TRPC5: variants seen among roughly 807,000 people sequenced by gnomAD.
The protein encoded by TRPC5 is transient receptor potential cation channel subfamily C member 5, also known as short transient receptor potential channel 5.
In TRPC5, 9 loss-of-function variants were observed where a neutral mutation model predicts 56.5. That is an observed-to-expected ratio of 0.16 (90% CI 0.10 to 0.28). TRPC5 has a LOEUF of 0.28. Among genes scored for constraint, TRPC5 ranks in the 10% least tolerant of loss-of-function variants. TRPC5 has a pLI of 1.00. For missense variants in TRPC5, 469 were observed against 748.9 expected (o/e 0.63, Z 4.36); for synonymous variants, 282 against 278.5 (o/e 1.01, Z -0.13).
At chrX:111,818,361 A>C (rs1387298919) in intron 7 of TRPC5, among the ~76,000 whole-genome samples, 1 of 111,216 alleles carries the variant, frequency 9.0e-6, no homozygotes, top group Non-Finnish European at 1.9e-5. Context: ...ATTGCAAATA[A>C]ATAATTATTA....
At chrX:111,936,485 C>A (rs1926581625) in intron 2 of TRPC5, among the ~76,000 whole-genome samples, 1 of 109,990 alleles carries the variant, frequency 9.1e-6, no homozygotes, top group Non-Finnish European at 1.9e-5. Flanking sequence ...CTAATGCTAT[C>A]CCTCCCCTCT....
chrX:111,806,126 G>T (rs911444771), intron 7 of TRPC5, among the ~76,000 whole-genome samples: 2 of 111,613 alleles, frequency 1.8e-5, no homozygotes, highest in African/African-American at 6.5e-5. Flanking sequence ...AATATGTTGG[G>T]TTAAACAAGG....
intron 2 of TRPC5, among the ~76,000 whole-genome samples, chrX:111,920,731 T>C (rs115253204): frequency 0.015 from 1,712 of 111,764 alleles, 25 homozygotes; most frequent in African/African-American, 0.052. Flanking sequence ...AAATGAGAAT[T>C]TCAAGGAGGA....
At chrX:111,882,382 C>G (rs1472538664) in intron 3 of TRPC5, among the ~76,000 whole-genome samples, 1 of 111,993 alleles carries the variant, frequency 8.9e-6, no homozygotes, top group Non-Finnish European at 1.9e-5. Flanking sequence ...CTTTATGACC[C>G]AGAGTACGGC....
intron 1 of TRPC5, among the ~76,000 whole-genome samples, chrX:112,002,110 T>C (rs1367543502): frequency 9.0e-6 from 1 of 111,626 alleles, no homozygotes; most frequent in Non-Finnish European, 1.9e-5. Context: ...CCACACATTT[T>C]TTTCTTCAAA....
chrX:112,078,557 G>A lies in TRPC5; in HGVS notation c.-22+3322C>T, dbSNP rs138246420. Among the ~76,000 whole-genome samples the A allele has an allele frequency of 9.8e-4, 109 of 111,403 alleles. 2 individuals carry two copies. The East Asian group carries it at 0.026, about 26-fold the overall frequency. On this transcript the variant is annotated intron_variant, in intron 1 of 10. Coordinates refer to ENST00000262839, the MANE Select transcript of TRPC5 (RefSeq NM_012471.3). The stretch of plus-strand genomic sequence containing the variant: ...CCAAGATCCCCGCTTGTTTCTTATC[G>A]TTATTTTTTCTTTCCTTTTGCTAAG...
At position 112,082,337 on chromosome X, in the gene TRPC5, C is replaced by G. The variant is rs979617881; in HGVS notation, c.-480G>C. On this transcript the variant is annotated 5_prime_UTR_variant, in exon 1 of 11. Coordinates refer to ENST00000262839, the MANE Select transcript of TRPC5 (RefSeq NM_012471.3). ...GGGAAACTGACAGGGGTAGCTGACACTGTAGTGTGAAGGAGAGGGAGAAGG... is the reference window on the plus strand; with the variant it reads ...GGGAAACTGACAGGGGTAGCTGACAGTGTAGTGTGAAGGAGAGGGAGAAGG... 9.1e-6 allele frequency: 1 copy of G among 110,133 alleles called. No individual in the cohort carries two copies. The highest frequency in any genetic ancestry group is 1.9e-5 in the Non-Finnish European group (1 of 52,835). 9.1% of individuals were successfully genotyped at this position (110,133 alleles called of 1,213,427 possible). A position where few individuals can be genotyped will look rare whatever the true frequency, so the allele number is the denominator to read the frequency against.
chrX:111,961,089 C>T (rs890043804), intron 1 of TRPC5, among the ~76,000 whole-genome samples: 2 of 111,917 alleles, frequency 1.8e-5, no homozygotes, highest in African/African-American at 3.2e-5. Flanking sequence ...GGATTACAGG[C>T]GTCAGCCAAC....
chrX:111,777,879 G>C (rs951268406), intron 10 of TRPC5, among the ~76,000 whole-genome samples: 3 of 112,548 alleles, frequency 2.7e-5, no homozygotes, highest in Admixed American at 9.4e-5. Flanking sequence ...CCTCCTCTCT[G>C]TGTTTCCACA....
chrX:111,838,272 T>C (rs1922627200), intron 6 of TRPC5, among the ~76,000 whole-genome samples: 2 of 111,287 alleles, frequency 1.8e-5, no homozygotes, highest in Admixed American at 1.9e-4. Context: ...GTCCTCAACA[T>C]GTTCCTCAAA....
intron 1 of TRPC5, among the ~76,000 whole-genome samples, chrX:112,062,857 A>G (rs897844449): frequency 1.8e-5 from 2 of 111,803 alleles, no homozygotes; most frequent in Non-Finnish European, 3.8e-5. Flanking sequence ...GAATGGATTG[A>G]CAGGGAGAGA....
At chrX:112,067,433 T>C (rs1403674650) in intron 1 of TRPC5, among the ~76,000 whole-genome samples, 1 of 112,501 alleles carries the variant, frequency 8.9e-6, no homozygotes, top group Non-Finnish European at 1.9e-5. Flanking sequence ...AGACAACTAT[T>C]TTGCCATATT....
intron 1 of TRPC5, among the ~76,000 whole-genome samples, chrX:111,988,651 G>T (rs1928273151): frequency 9.0e-6 from 1 of 110,894 alleles, no homozygotes; most frequent in African/African-American, 3.3e-5. Context: ...CAGGCTCATT[G>T]CCTGAATGTA....
chrX:111,944,254 G>A (rs1256354301), intron 2 of TRPC5, among the ~76,000 whole-genome samples: 1 of 103,435 alleles, frequency 9.7e-6, no homozygotes, highest in Non-Finnish European at 2.0e-5. Context: ...CCAAGGAGGT[G>A]TGGGAGTAGA....
chrX:111,835,007 T>C lies in TRPC5; in HGVS notation c.1810A>G (p.Met604Val), dbSNP rs780637789. 1 of 1,209,654 alleles carries C rather than the reference T, an allele frequency of 8.3e-7. No homozygotes were observed. Among genetic ancestry groups the C allele is most frequent in the African/African-American group, 1.7e-5 (1 of 57,227 alleles). ...GAGATGACATTGTATGTTCCAAACA[T>C]GGTAGCTCCTACAAACTCGGTGAAT... ...HEFTEFVGAT[M>V]FGTYNVISLV... The change falls in exon 7 of 11, where the codon ATG (methionine) becomes GTG (valine). Residue 604 changes from methionine to valine, a missense_variant. Physicochemically the swap from Met to Val is conservative, Grantham distance 21. Coordinates refer to ENST00000262839, the MANE Select transcript of TRPC5 (RefSeq NM_012471.3).
intron 7 of TRPC5, among the ~76,000 whole-genome samples, chrX:111,817,509 A>G (rs1921898118): frequency 9.1e-6 from 1 of 109,359 alleles, no homozygotes; most frequent in Non-Finnish European, 1.9e-5. Context: ...TATTTTTAGT[A>G]GAGACGGGGT....
chrX:111,884,496 C>A (rs1393029549), intron 3 of TRPC5, among the ~76,000 whole-genome samples: 1 of 112,786 alleles, frequency 8.9e-6, no homozygotes, highest in African/African-American at 3.2e-5. Flanking sequence ...CCAGTTTAAA[C>A]CTAGCCATCC....
At chrX:111,802,766 TAGA>T (rs1184168788) in intron 7 of TRPC5, among the ~76,000 whole-genome samples, 3 of 111,891 alleles carry the variant, frequency 2.7e-5, no homozygotes, top group African/African-American at 9.7e-5. Context: ...AAGACAACAT[TAGA>T]AGAACTATCT....
intron 3 of TRPC5, among the ~76,000 whole-genome samples, chrX:111,886,937 G>C (rs771405956): frequency 8.9e-4 from 100 of 112,991 alleles, no homozygotes; most frequent in Non-Finnish European, 1.4e-3. Context: ...GATGCCAATG[G>C]TAGCAGTATG....
Sources: gnomAD v4.1 joint callset for allele counts (sites outside exome capture counted in the v4.1 genomes callset) on GRCh38, gnomAD v4.1.1 for gene constraint, MANE v1.5 for transcripts, NCBI Gene and HGNC (gene_info 2026-07-23, HGNC 2026-07-21) for gene names.